Variants in PCNX2 observed in about 807,000 individuals in gnomAD.
PCNX2 encodes pecanex-like protein 2.
PCNX2 carries 168 observed loss-of-function variants against 223.8 expected under a neutral mutation model. The observed-to-expected ratio is 0.75, with a 90% CI of 0.66 to 0.85. PCNX2 has a LOEUF of 0.85. Among genes scored for constraint, PCNX2 ranks in the 40% least tolerant of loss-of-function variants. The probability of loss-of-function intolerance (pLI) is 0.00; values close to 1 mark genes in which losing one functional copy is unlikely to be tolerated. For synonymous variants in PCNX2, 1,006 were observed against 1,052.6 expected, an observed-to-expected ratio of 0.96 and a Z score of 0.86; for missense variants, 2,507 against 2,675.5, an observed-to-expected ratio of 0.94 and a Z score of 1.39.
intron 1 of PCNX2, among the ~76,000 whole-genome samples, chr1:233,293,763 G>A (rs1218998482): frequency 2.0e-5 from 3 of 152,170 alleles, no homozygotes; most frequent in Admixed American, 2.0e-4. Flanking sequence ...CACCCTATAA[G>A]GGAGGTACTG....
At chr1:233,109,438 T>C (rs1338757554) in intron 21 of PCNX2, among the ~76,000 whole-genome samples, 2 of 152,186 alleles carry the variant, frequency 1.3e-5, no homozygotes, top group African/African-American at 4.8e-5. Context: ...CAACGCCGGA[T>C]GAAAGATTGA....
chr1:233,179,519 T>C (rs1679673938), intron 15 of PCNX2, among the ~76,000 whole-genome samples: 2 of 152,338 alleles, frequency 1.3e-5, no homozygotes, highest in Admixed American at 6.5e-5. Flanking sequence ...ATAATAATTG[T>C]ATTTCTCAAT....
chr1:233,208,721 C>G, intron 12 of PCNX2, 32 bp from the exon 13 acceptor site: 1 of 1,553,394 alleles, frequency 6.4e-7, no homozygotes, highest in East Asian at 2.3e-5. Flanking sequence ...TGAATGGTAC[C>G]TCTTATTTTG....
At chr1:233,029,291 G>A (rs1572027702) in intron 25 of PCNX2, among the ~76,000 whole-genome samples, 1 of 151,926 alleles carries the variant, frequency 6.6e-6, no homozygotes, top group Non-Finnish European at 1.5e-5. Context: ...AATTTCATAT[G>A]AGTCCTCCAA....
chr1:233,044,813 T>C (rs1447283008), intron 25 of PCNX2, among the ~76,000 whole-genome samples: 1 of 151,902 alleles, frequency 6.6e-6, no homozygotes, highest in Admixed American at 6.6e-5. Context: ...TGATTACAGG[T>C]GCATGCCACC....
chr1:233,024,130 G>C (rs1360601766), intron 26 of PCNX2, among the ~76,000 whole-genome samples: 1 of 152,114 alleles, frequency 6.6e-6, no homozygotes, highest in Non-Finnish European at 1.5e-5. Flanking sequence ...GCCTAGGCTG[G>C]TCTTGAACTT....
At chr1:233,178,364 T>C (rs1417223060) in intron 16 of PCNX2, among the ~76,000 whole-genome samples, 1 of 152,210 alleles carries the variant, frequency 6.6e-6, no homozygotes, top group African/African-American at 2.4e-5. Context: ...TTATCTTAAA[T>C]CAAAATCTTT....
At chr1:233,023,041 G>C (rs545129172) in intron 26 of PCNX2, among the ~76,000 whole-genome samples, 1 of 152,210 alleles carries the variant, frequency 6.6e-6, no homozygotes, top group Non-Finnish European at 1.5e-5. Context: ...GTCAACTCCA[G>C]GGCTTATCTA....
chr1:233,243,368 T>C (rs540257861), intron 8 of PCNX2, among the ~76,000 whole-genome samples: 1 of 152,334 alleles, frequency 6.6e-6, no homozygotes, highest in South Asian at 2.1e-4. Flanking sequence ...TTTTCCAATA[T>C]ATCTTCCATG....
intron 19 of PCNX2, among the ~76,000 whole-genome samples, chr1:233,155,549 G>A (rs1423096593): frequency 6.6e-6 from 1 of 152,108 alleles, no homozygotes; most frequent in Non-Finnish European, 1.5e-5. Context: ...CTTATTCCTT[G>A]TCTCAATCTC....
intron 17 of PCNX2, among the ~76,000 whole-genome samples, chr1:233,165,393 GC>G (rs746759344): frequency 6.6e-6 from 1 of 152,098 alleles, no homozygotes; most frequent in Non-Finnish European, 1.5e-5. Flanking sequence ...CCATTTGGTG[GC>G]TAGAGACCAG....
chr1:232,998,290 G>A lies in PCNX2; in HGVS notation c.5752C>T (p.Gln1918Ter), dbSNP rs769435496. The A allele has an allele frequency of 1.2e-6, 2 of 1,605,554 alleles. No homozygotes were observed. Among genetic ancestry groups the A allele is most frequent in the Non-Finnish European group, 1.7e-6 (2 of 1,175,962 alleles). Residue 1918 changes from glutamine (Q) to a stop codon, truncating the protein, a stop_gained, in exon 32 of 34, where the codon CAG (glutamine) becomes TAG (stop). Coordinates refer to ENST00000258229, the MANE Select transcript of PCNX2 (RefSeq NM_014801.4). LOFTEE classifies it high-confidence loss of function. ...SAEQPRKGGA[Q>*]HGVSSCEGTQ... The stretch of plus-strand genomic sequence containing the variant: ...CCTTCACAGGATGACACCCCGTGCT[G>A]AGCACCGCCTTTTCTGGGCTGTTCT...
intron 21 of PCNX2, among the ~76,000 whole-genome samples, chr1:233,123,144 A>T (rs1675900244): frequency 6.6e-6 from 1 of 152,196 alleles, no homozygotes; most frequent in African/African-American, 2.4e-5. Context: ...GTAACACACT[A>T]TTTGGGCTCA....
chr1:233,155,141 A>G (rs1678043724), intron 19 of PCNX2, among the ~76,000 whole-genome samples: 1 of 151,400 alleles, frequency 6.6e-6, no homozygotes. Flanking sequence ...TGCGGTGGCT[A>G]TTCAATAGGC....
At chr1:233,274,645 A>G (rs1325614897) in intron 1 of PCNX2, among the ~76,000 whole-genome samples, 2 of 152,230 alleles carry the variant, frequency 1.3e-5, no homozygotes, top group African/African-American at 4.8e-5. Context: ...GTAGCAGACC[A>G]AGAAAACTAT....
chr1:233,268,587 C>G (rs957590346), intron 1 of PCNX2, among the ~76,000 whole-genome samples: 1 of 152,168 alleles, frequency 6.6e-6, no homozygotes, highest in African/African-American at 2.4e-5. Flanking sequence ...CATGCTGCAG[C>G]GTTGATGAGC....
intron 8 of PCNX2, 24 bp downstream of exon 8, chr1:233,250,715 G>C: frequency 6.3e-7 from 1 of 1,580,060 alleles, no homozygotes; most frequent in Non-Finnish European, 8.6e-7. Context: ...CAGCTCTCAA[G>C]CCTGGAAACA....
At chr1:233,190,593 C>G (rs114236527) in intron 15 of PCNX2, among the ~76,000 whole-genome samples, 2 of 152,034 alleles carry the variant, frequency 1.3e-5, no homozygotes, top group Non-Finnish European at 2.9e-5. Context: ...TGCAAATGAT[C>G]GTTGTTCTAT....
intron 17 of PCNX2, among the ~76,000 whole-genome samples, chr1:233,166,476 A>AC (rs11423208): frequency 0.78 from 119,020 of 152,026 alleles, 47,343 homozygotes; most frequent in African/African-American, 0.94. Context: ...GGGAAAAAAA[A>AC]ATTACTACTC....
Sources: allele counts gnomAD v4.1 joint callset (sites outside exome capture counted in the v4.1 genomes callset), GRCh38; gene constraint gnomAD v4.1.1; transcripts MANE v1.5; gene names NCBI Gene and HGNC (gene_info 2026-07-23, HGNC 2026-07-21).